MSRA: variants seen among roughly 807,000 people sequenced by gnomAD.
MSRA encodes the protein mitochondrial peptide methionine sulfoxide reductase.
A neutral mutation model predicts 31.3 loss-of-function variants in MSRA; 54 were observed. That is an observed-to-expected ratio of 1.73 (90% CI 1.39 to 2.17). MSRA has a LOEUF of 2.17. Among genes scored for constraint, MSRA ranks in the 30% most tolerant of loss-of-function variants. MSRA has a pLI of 0.00. For missense variants in MSRA, 507 were observed against 300.9 expected, an observed-to-expected ratio of 1.69 and a Z score of -5.07; for synonymous variants, 169 against 116.5, an observed-to-expected ratio of 1.45 and a Z score of -2.90.
At chr8:10,327,758 C>T (rs1247442420) in intron 5 of MSRA, among the ~76,000 whole-genome samples, 1 of 152,100 alleles carries the variant, frequency 6.6e-6, no homozygotes, top group African/African-American at 2.4e-5. Flanking sequence ...AAGGTGAAAC[C>T]CCGTCTCTAC....
chr8:10,276,348 G>A (rs1266690959), intron 3 of MSRA, among the ~76,000 whole-genome samples: 2 of 152,078 alleles, frequency 1.3e-5, no homozygotes, highest in Admixed American at 6.6e-5. Context: ...ATTGTTACAG[G>A]GCCCTTTCAG....
chr8:10,398,241 C>G (rs1007788114), intron 5 of MSRA, among the ~76,000 whole-genome samples: 5 of 152,192 alleles, frequency 3.3e-5, no homozygotes, highest in African/African-American at 1.2e-4. Context: ...TTGAACAGTT[C>G]TGGGGTAAGC....
chr8:10,289,599 A>G (rs1800123427), intron 3 of MSRA, among the ~76,000 whole-genome samples: 1 of 152,228 alleles, frequency 6.6e-6, no homozygotes, highest in South Asian at 2.1e-4. Context: ...ATCAAATGGT[A>G]TGGAGTGCCT....
At chr8:10,128,621 T>C (rs1195379136) in intron 1 of MSRA, among the ~76,000 whole-genome samples, 1 of 152,194 alleles carries the variant, frequency 6.6e-6, no homozygotes, top group Non-Finnish European at 1.5e-5. Flanking sequence ...TTAGCTTGGC[T>C]TTGTTGTGTG....
chr8:10,162,145 A>AG (rs1804715360), intron 1 of MSRA, among the ~76,000 whole-genome samples: 1 of 152,086 alleles, frequency 6.6e-6, no homozygotes, highest in African/African-American at 2.4e-5. Context: ...GGCCTGAGAC[A>AG]GGGGAGTGGT....
intron 1 of MSRA, among the ~76,000 whole-genome samples, chr8:10,057,912 A>G (rs1010815706): frequency 1.3e-5 from 2 of 152,244 alleles, no homozygotes; most frequent in Non-Finnish European, 2.9e-5. Flanking sequence ...AAAACAGACT[A>G]ACACAAAGGC....
intron 4 of MSRA, among the ~76,000 whole-genome samples, chr8:10,303,811 G>C (rs1800979057): frequency 6.6e-6 from 1 of 152,210 alleles, no homozygotes; most frequent in African/African-American, 2.4e-5. Flanking sequence ...TTTTTCTTAA[G>C]CTAGTTTTTT....
At chr8:10,225,529 A>T (rs10089665) in intron 2 of MSRA, among the ~76,000 whole-genome samples, 66,717 of 151,652 alleles carry the variant, frequency 0.44, 14,825 homozygotes, top group East Asian at 0.64. Flanking sequence ...TTTTATTCAT[A>T]AATTTAATTT....
rs1168340564 is a variant in MSRA, at chr8:10,146,212, G to GT, written c.143-61613dup. Among the ~76,000 whole-genome samples the GT allele has an allele frequency of 1.7e-3, 255 of 152,208 alleles. 2 individuals are homozygous for GT. The highest frequency in any genetic ancestry group is 5.8e-3 in the African/African-American group (241 of 41,504). ...AAGGAAGAACCCATATTTGCTTTGG[G>GT]TTTTTTTTCCCCTAGCTATTTGGGT... On this transcript the variant is annotated intron_variant, in intron 1 of 5. Coordinates refer to ENST00000317173, the MANE Select transcript of MSRA (RefSeq NM_012331.5).
At chr8:10,191,460 C>A (rs140556305) in intron 1 of MSRA, among the ~76,000 whole-genome samples, 234 of 152,332 alleles carry the variant, frequency 1.5e-3, no homozygotes, top group African/African-American at 5.2e-3. Flanking sequence ...CCAAACAAAA[C>A]AGCAGGAAAA....
intron 1 of MSRA, among the ~76,000 whole-genome samples, chr8:10,161,640 G>A (rs10106694): frequency 0.016 from 2,394 of 152,230 alleles, 72 homozygotes; most frequent in African/African-American, 0.054. Context: ...AAGAAGAGGC[G>A]GATGAAGTGA....
intron 3 of MSRA, among the ~76,000 whole-genome samples, chr8:10,271,657 T>C (rs2952175): frequency 0.12 from 18,634 of 152,060 alleles, 1,621 homozygotes; most frequent in Admixed American, 0.3. Flanking sequence ...GCACTGTTTC[T>C]TTTATAAAAT....
intron 4 of MSRA, among the ~76,000 whole-genome samples, chr8:10,311,626 T>G (rs868621721): frequency 1.3e-5 from 2 of 152,122 alleles, no homozygotes; most frequent in African/African-American, 4.8e-5. Context: ...AATTTAAAAA[T>G]TTCTGGCCAG....
intron 3 of MSRA, among the ~76,000 whole-genome samples, chr8:10,282,990 A>T (rs1450996540): frequency 3.3e-5 from 5 of 151,974 alleles, no homozygotes; most frequent in Non-Finnish European, 7.4e-5. Flanking sequence ...AGTGTTGCAG[A>T]CTGCTTTTGA....
intron 3 of MSRA, among the ~76,000 whole-genome samples, chr8:10,267,072 T>G (rs1217278558): frequency 6.6e-6 from 1 of 152,166 alleles, no homozygotes; most frequent in Non-Finnish European, 1.5e-5. Context: ...GTATTCCTCT[T>G]CCCCCTTTAA....
intron 1 of MSRA, among the ~76,000 whole-genome samples, chr8:10,068,450 A>G (rs980728367): frequency 6.6e-6 from 1 of 152,210 alleles, no homozygotes; most frequent in African/African-American, 2.4e-5. Flanking sequence ...ATAGCTTTGC[A>G]TTTAGCTATG....
rs554407106 is a variant in MSRA, at chr8:10,055,922, A to G, written c.142+1264A>G. Among the ~76,000 whole-genome samples, 719 of 152,212 alleles carry G rather than the reference A, an allele frequency of 4.7e-3. 3 individuals carry two copies. The highest frequency in any genetic ancestry group is 6.5e-3 in the Non-Finnish European group (440 of 68,008). Reference sequence around the variant, plus strand: ...TGGTTTCCCCATCATTTCACCTGCTACTCAGCCGTAAAAGTTTATTTTTGA... The same window carrying G: ...TGGTTTCCCCATCATTTCACCTGCTGCTCAGCCGTAAAAGTTTATTTTTGA... On this transcript the variant is annotated intron_variant, in intron 1 of 5. Coordinates refer to ENST00000317173, the MANE Select transcript of MSRA (RefSeq NM_012331.5).
intron 2 of MSRA, among the ~76,000 whole-genome samples, chr8:10,211,927 C>G (rs954787390): frequency 6.6e-6 from 1 of 151,914 alleles, no homozygotes; most frequent in Non-Finnish European, 1.5e-5. Context: ...GGTAATTTCA[C>G]GAGAAAATCA....
intron 5 of MSRA, among the ~76,000 whole-genome samples, chr8:10,359,721 T>C (rs1238802341): frequency 1.3e-5 from 2 of 151,800 alleles, no homozygotes; most frequent in African/African-American, 2.4e-5. Flanking sequence ...AGATGGAGGA[T>C]GGTCTCAGAT....
Sources: gnomAD v4.1 joint callset for allele counts (sites outside exome capture counted in the v4.1 genomes callset) on GRCh38, gnomAD v4.1.1 for gene constraint, MANE v1.5 for transcripts, NCBI Gene and HGNC (gene_info 2026-07-23, HGNC 2026-07-21) for gene names.